The following MESD variants were observed in gnomAD, a reference collection of about 807,000 sequenced individuals.
MESD encodes LRP chaperone MESD.
A neutral mutation model predicts 12.9 loss-of-function variants in MESD; 7 were observed. The observed-to-expected ratio is 0.54, with a 90% CI of 0.31 to 1.02. The LOEUF (loss-of-function observed/expected upper bound fraction) is 1.02. Among genes scored for constraint, MESD ranks in the 50% least tolerant of loss-of-function variants. MESD has a pLI of 0.05. For missense variants in MESD, 342 were observed against 296.7 expected, an observed-to-expected ratio of 1.15 and a Z score of -1.12; for synonymous variants, 126 against 115.6, an observed-to-expected ratio of 1.09 and a Z score of -0.58.
chr15:80,955,502 A>AAAAAAAAG (rs1483500188), intron 3 of MESD, among the ~76,000 whole-genome samples: 1 of 143,422 alleles, frequency 7.0e-6, no homozygotes, highest in Non-Finnish European at 1.5e-5. Context: ...AAAAAAAAAA[A>AAAAAAAAG]AAAGAAATGC....
At chr15:80,982,518 A>C (rs1378921116) in intron 1 of MESD, among the ~76,000 whole-genome samples, 1 of 152,248 alleles carries the variant, frequency 6.6e-6, no homozygotes, top group Non-Finnish European at 1.5e-5. Flanking sequence ...ACAGCAACAG[A>C]GAACAAATAC....
chr15:80,955,527 TC>T (rs1901958049), intron 3 of MESD, among the ~76,000 whole-genome samples: 1 of 150,292 alleles, frequency 6.7e-6, no homozygotes, highest in Non-Finnish European at 1.5e-5. Context: ...TCTCAGGCTC[TC>T]CCAGATCAGC....
downstream of MESD, chr15:80,946,522 CTCTT>C (rs1901560512): frequency 5.3e-6 from 1 of 187,414 alleles, no homozygotes; most frequent in East Asian, 1.3e-4. Flanking sequence ...CGCACCTCCT[CTCTT>C]TCTCTTCCCT....
At chr15:80,956,843 G>A (rs1014761860) in intron 3 of MESD, among the ~76,000 whole-genome samples, 1 of 151,662 alleles carries the variant, frequency 6.6e-6, no homozygotes, top group Non-Finnish European at 1.5e-5. Flanking sequence ...TGAGACAGAG[G>A]GTTTTGTTTT....
downstream of MESD, among the ~76,000 whole-genome samples, chr15:80,974,595 A>C (rs1902362686): frequency 6.8e-6 from 1 of 146,356 alleles, no homozygotes; most frequent in Non-Finnish European, 1.5e-5. Context: ...AATGTGTATC[A>C]GAGCTAAAAA....
rs1902457369 is a variant in MESD at position 80,977,789 on chromosome 15, T to C, written c.*1430A>G. 6.6e-6 allele frequency: 1 copy of C among 152,126 alleles called. No homozygotes were observed. Among genetic ancestry groups the C allele is most frequent in the Non-Finnish European group, 1.5e-5 (1 of 68,072 alleles). 9.4% of individuals were successfully genotyped at this position (152,126 alleles called of 1,614,324 possible). ...GGCCTACAACAGCTCCCGCTCCAGG[T>C]TCAAGATGCAGGAGGAACAAGAAAA... On this transcript the variant is annotated 3_prime_UTR_variant, in exon 3 of 3. Coordinates refer to ENST00000261758, the MANE Select transcript of MESD (RefSeq NM_015154.3).
rs536776059 is a variant in MESD, at chr15:80,953,133, A to AT, written c.*289-838dup. The stretch of plus-strand genomic sequence containing the variant: ...AGTGTGGGCTTGAGAACACCTGGGC[A>AT]TAAATCAAGGCTCAGTCATGAGAGG... On this transcript the variant is annotated intron_variant, in intron 3 of 4. Coordinates refer to the MESD transcript ENST00000561312. 433 of 455,172 alleles carry AT rather than the reference A, an allele frequency of 9.5e-4. 4 individuals carry two copies. The highest frequency in any genetic ancestry group is 6.6e-3 in the South Asian group (428 of 64,460). The allele number at this position is 455,172 out of a possible 1,614,324, so 28.2% of individuals were successfully genotyped here. A position where few individuals can be genotyped will look rare whatever the true frequency, so the allele number is the denominator to read the frequency against.
chr15:80,962,375 C>T (rs575814855), intron 3 of MESD, among the ~76,000 whole-genome samples: 1 of 152,276 alleles, frequency 6.6e-6, no homozygotes, highest in South Asian at 2.1e-4. Flanking sequence ...GACTTAGACT[C>T]CCACACAGTA....
Position 80,989,443 on chromosome 15 carries a change from T to A in MESD, c.213+136A>T, listed in dbSNP as rs560974362. On this transcript the variant is annotated intron_variant, in intron 1 of 2. Coordinates refer to ENST00000261758, the MANE Select transcript of MESD (RefSeq NM_015154.3). The stretch of plus-strand genomic sequence containing the variant: ...AATGGAGGGTCAACAGTGGCTTCAG[T>A]GGGTCAGTAAGGATTCAAGGCATGA... 2.2e-5 allele frequency: 23 copies of A among 1,049,788 alleles called. No individual in the cohort carries two copies. The African/African-American group carries it at 2.7e-4, about 12-fold the overall frequency. The allele number at this position is 1,049,788 out of a possible 1,614,324, so 65.0% of individuals were successfully genotyped here.
chr15:80,956,994 A>T (rs537412035), intron 3 of MESD, among the ~76,000 whole-genome samples: 58 of 151,542 alleles, frequency 3.8e-4, no homozygotes, highest in South Asian at 1.3e-3. Context: ...TTATTTATTT[A>T]TTTATTTTTT....
intron 4 of MESD, chr15:80,950,384 A>ACAAGT (rs1194966875): frequency 6.6e-6 from 1 of 152,288 alleles, no homozygotes; most frequent in Non-Finnish European, 1.5e-5. Flanking sequence ...GGAAATGGGG[A>ACAAGT]CAAGTCCCCT....
intron 2 of MESD, 141 bp from the exon 3 acceptor site, chr15:80,979,618 A>G: frequency 1.1e-6 from 1 of 915,920 alleles, no homozygotes; most frequent in Non-Finnish European, 1.6e-6. Context: ...AAAGCCTAGC[A>G]GCTACTGATA....
chr15:80,989,283 G>GTC (rs1893229105), intron 1 of MESD, among the ~76,000 whole-genome samples: 1 of 152,216 alleles, frequency 6.6e-6, no homozygotes, highest in African/African-American at 2.4e-5. Context: ...GCACTGAAGG[G>GTC]TGAAGGGAGA....
chr15:80,980,028 G>A (rs910605973), intron 2 of MESD, among the ~76,000 whole-genome samples: 1 of 152,212 alleles, frequency 6.6e-6, no homozygotes, highest in African/African-American at 2.4e-5. Context: ...CACTCGAAAG[G>A]TCCCAAGGAA....
At chr15:80,987,103 C>A (rs1902753123) in intron 1 of MESD, among the ~76,000 whole-genome samples, 1 of 152,188 alleles carries the variant, frequency 6.6e-6, no homozygotes, top group African/African-American at 2.4e-5. Flanking sequence ...GTAATAACCA[C>A]CTTTGGTTTT....
chr15:80,967,784 C>T (rs1902203382), intron 3 of MESD, among the ~76,000 whole-genome samples: 1 of 152,218 alleles, frequency 6.6e-6, no homozygotes, highest in South Asian at 2.1e-4. Flanking sequence ...TCAGAAACTT[C>T]GGCAGACTTC....
intron 3 of MESD, among the ~76,000 whole-genome samples, chr15:80,955,664 A>G (rs951306314): frequency 2.2e-4 from 33 of 150,310 alleles, no homozygotes; most frequent in African/African-American, 7.8e-4. Context: ...TCTTTAGCCC[A>G]GGCTGGAGTG....
At chr15:80,952,128 C>T (rs1211989469) in exon 4 of MESD, 1 of 453,208 alleles carries the variant, frequency 2.2e-6, no homozygotes. Context: ...GGAAGCCAGG[C>T]AGAAGCAGGA....
intron 3 of MESD, among the ~76,000 whole-genome samples, chr15:80,967,706 A>G (rs1192721203): frequency 6.6e-6 from 1 of 152,160 alleles, no homozygotes; most frequent in Non-Finnish European, 1.5e-5. Flanking sequence ...CATTCCACCA[A>G]CTGCAGCCCT....
Sources: allele counts gnomAD v4.1 joint callset (sites outside exome capture counted in the v4.1 genomes callset), GRCh38; gene constraint gnomAD v4.1.1; transcripts MANE v1.5; gene names NCBI Gene and HGNC (gene_info 2026-07-23, HGNC 2026-07-21).